ASAP1: variants seen among roughly 807,000 people sequenced by gnomAD.
The protein encoded by ASAP1 is arf-GAP with SH3 domain, ANK repeat and PH domain-containing protein 1.
Under a neutral mutation model 145.2 loss-of-function variants are expected in ASAP1, and 43 were observed. The observed-to-expected ratio is 0.30, with a 90% confidence interval of 0.23 to 0.38. The LOEUF is 0.38. Among genes scored for constraint, ASAP1 ranks in the 10% least tolerant of loss-of-function variants. The pLI is 1.00. For synonymous variants in ASAP1, 546 were observed against 515.5 expected, an observed-to-expected ratio of 1.06 and a Z score of -0.80; for missense variants, 1,018 against 1,355.3, an observed-to-expected ratio of 0.75 and a Z score of 3.91.
chr8:130,358,578 G>C lies in ASAP1; in HGVS notation c.60-435C>G, dbSNP rs1826501320. ...TCCTCAGACGCGCTGACAGGCGGCG[G>C]CGCGGGCCTGACTGACTGAGCGCAC... On this transcript the variant is annotated intron_variant, in intron 2 of 29. Transcript: ENST00000518721. This position sits in a 1 kb window ranked among gnomAD's most constrained non-coding sequence, Gnocchi z 4.1. Among the ~76,000 whole-genome samples, 1 of 147,498 alleles carries C rather than the reference G, an allele frequency of 6.8e-6. No individual in the cohort carries two copies. The highest frequency in any genetic ancestry group is 1.5e-5 in the Non-Finnish European group (1 of 66,202).
At chr8:130,232,337 T>A (rs1817953634) in intron 4 of ASAP1, among the ~76,000 whole-genome samples, 1 of 152,098 alleles carries the variant, frequency 6.6e-6, no homozygotes. Flanking sequence ...AATCATATAT[T>A]AGCAAAAGGG....
chr8:130,155,591 C>T (rs923081206), intron 12 of ASAP1, among the ~76,000 whole-genome samples: 6 of 152,200 alleles, frequency 3.9e-5, no homozygotes, highest in African/African-American at 1.2e-4. Context: ...ACGTGATCTG[C>T]CGGCCTCGGC....
chr8:130,385,164 C>A (rs898152796), intron 2 of ASAP1, among the ~76,000 whole-genome samples: 2 of 152,098 alleles, frequency 1.3e-5, no homozygotes, highest in African/African-American at 4.8e-5. Context: ...GCTTGAGGTT[C>A]ATTTAAAAGA....
chr8:130,052,723 T>G lies in ASAP1; in HGVS notation c.*2008A>C, dbSNP rs1012472604. On this transcript the variant is annotated 3_prime_UTR_variant, in exon 30 of 30. Coordinates refer to ENST00000518721, the MANE Select transcript of ASAP1 (RefSeq NM_018482.4). Reference sequence around the variant, plus strand: ...TTTAGACATGCAGCTTTTGTGTTTTTTTTTTGTTTTTGTTTTTTTTTTTTT... The same window carrying G: ...TTTAGACATGCAGCTTTTGTGTTTTGTTTTTGTTTTTGTTTTTTTTTTTTT... The G allele has an allele frequency of 1.0e-4, 15 of 146,726 alleles. No homozygotes were observed. Among genetic ancestry groups the G allele is most frequent in the South Asian group, 2.1e-4 (1 of 4,700 alleles). 9.1% of individuals were successfully genotyped at this position (146,726 alleles called of 1,614,324 possible).
intron 2 of ASAP1, among the ~76,000 whole-genome samples, chr8:130,388,128 C>A (rs545182957): frequency 6.6e-6 from 1 of 152,192 alleles, no homozygotes; most frequent in East Asian, 1.9e-4. Context: ...GGGACAAGGC[C>A]CTGGAGGCAG....
intron 27 of ASAP1, among the ~76,000 whole-genome samples, chr8:130,064,269 G>A (rs1027545212): frequency 1.3e-5 from 2 of 152,166 alleles, no homozygotes; most frequent in Non-Finnish European, 2.9e-5. Context: ...AGCTGACAAC[G>A]GTGGAGATGA....
At chr8:130,412,496 G>A (rs1184346806) in intron 1 of ASAP1, among the ~76,000 whole-genome samples, 1 of 151,918 alleles carries the variant, frequency 6.6e-6, no homozygotes, top group East Asian at 1.9e-4. Context: ...CAGAAGCCGA[G>A]CAGATGCCAG....
intron 26 of ASAP1, among the ~76,000 whole-genome samples, chr8:130,077,537 CTTTTTTTTTTTTT>C (rs58327713): frequency 9.7e-5 from 6 of 62,030 alleles, no homozygotes; most frequent in South Asian, 9.1e-4. Context: ...GCTGCTGCTG[CTTTTTTTTTTTTT>C]TTTTTTTTTT....
intron 4 of ASAP1, among the ~76,000 whole-genome samples, chr8:130,229,482 A>G (rs1036710185): frequency 1.3e-5 from 2 of 152,184 alleles, no homozygotes; most frequent in African/African-American, 4.8e-5. Context: ...AAGCCATAGA[A>G]TCTTTTGACT....
Position 130,401,906 on chromosome 8 carries a change from G to A in ASAP1, c.38C>T (p.Ser13Leu), listed in dbSNP as rs759521913. The A allele has an allele frequency of 2.6e-5, 42 of 1,613,672 alleles. No individual in the cohort carries two copies. The South Asian group carries it at 3.7e-4, about 14-fold the overall frequency. ...SSASRLSSFS[S>L]RDSLWNRMPD... ...TCACCGATTCCATAGTGAATCTCTCGACGAAAAACTGGAGAGCCTGGAGGC... is the reference window on the plus strand; with the variant it reads ...TCACCGATTCCATAGTGAATCTCTCAACGAAAAACTGGAGAGCCTGGAGGC... The change falls in exon 2 of 30, where the codon TCG becomes TTG. Residue 13 changes from serine (S) to leucine (L), a missense_variant. By Grantham distance (145) the Ser-to-Leu change is moderately radical (BLOSUM62 -2). Transcript: ENST00000518721.
intron 18 of ASAP1, among the ~76,000 whole-genome samples, chr8:130,119,936 A>G (rs968039145): frequency 6.6e-6 from 1 of 152,210 alleles, no homozygotes; most frequent in East Asian, 1.9e-4. Context: ...TTGCTCAAAA[A>G]TATGCATTCC....
At chr8:130,138,634 C>G (rs2097601154) in intron 13 of ASAP1, among the ~76,000 whole-genome samples, 1 of 151,992 alleles carries the variant, frequency 6.6e-6, no homozygotes, top group Non-Finnish European at 1.5e-5. Flanking sequence ...GTCGGGAGTT[C>G]CAGACCCGCC....
chr8:130,130,898 T>C (rs2097581886), intron 15 of ASAP1, among the ~76,000 whole-genome samples: 1 of 151,398 alleles, frequency 6.6e-6, no homozygotes. Flanking sequence ...CGCTCACGCC[T>C]GTAAGCCCAG....
intron 4 of ASAP1, among the ~76,000 whole-genome samples, chr8:130,223,595 T>C (rs932883922): frequency 3.3e-5 from 5 of 152,160 alleles, no homozygotes; most frequent in Non-Finnish European, 7.3e-5. Flanking sequence ...TTATACATCA[T>C]CTCAGACTCT....
intron 3 of ASAP1, among the ~76,000 whole-genome samples, chr8:130,288,699 G>A (rs933497067): frequency 6.6e-6 from 1 of 152,202 alleles, no homozygotes; most frequent in South Asian, 2.1e-4. Context: ...GATGGCATCT[G>A]TACTATGGTA....
chr8:130,342,158 A>G (rs1825426869), intron 3 of ASAP1, among the ~76,000 whole-genome samples: 1 of 152,146 alleles, frequency 6.6e-6, no homozygotes, highest in Non-Finnish European at 1.5e-5. Flanking sequence ...TGAGACCCCA[A>G]GGGCAATCAA....
intron 27 of ASAP1, among the ~76,000 whole-genome samples, chr8:130,072,824 T>TGCGCGCGCGCGTGCGCGC (rs71303498): frequency 3.1e-5 from 1 of 32,282 alleles, no homozygotes; most frequent in Admixed American, 3.6e-4. Flanking sequence ...TGTGTGTGTG[T>TGCGCGCGCGCGTGCGCGC]GCGCGCGGGG....
At chr8:130,439,227 T>C (rs778602231) in intron 1 of ASAP1, among the ~76,000 whole-genome samples, 78 of 152,258 alleles carry the variant, frequency 5.1e-4, no homozygotes, top group Non-Finnish European at 9.6e-4. Context: ...GGCCTCCTGA[T>C]ACTGGAAAAG....
intron 3 of ASAP1, among the ~76,000 whole-genome samples, chr8:130,316,049 G>T (rs72724432): frequency 1.2e-3 from 182 of 152,260 alleles, no homozygotes; most frequent in Non-Finnish European, 2.2e-3. Flanking sequence ...GGAGAGAAAA[G>T]CACTTCCGTC....
Sources: gnomAD v4.1 joint callset for allele counts (sites outside exome capture counted in the v4.1 genomes callset) on GRCh38, gnomAD v4.1.1 for gene constraint, Gnocchi (gnomAD v3.1) non-coding constraint, MANE v1.5 for transcripts, NCBI Gene and HGNC (gene_info 2026-07-23, HGNC 2026-07-21) for gene names.